RBFOX1: variants seen among roughly 807,000 people sequenced by gnomAD.
RBFOX1 encodes the protein RNA binding fox-1 homolog 1, also known as RNA binding protein fox-1 homolog 1.
In RBFOX1, 8 loss-of-function variants were observed where a neutral mutation model predicts 57.7. The observed-to-expected ratio is 0.14, with a 90% CI of 0.08 to 0.25. The LOEUF (loss-of-function observed/expected upper bound fraction) is 0.25. Among genes scored for constraint, RBFOX1 ranks in the 10% least tolerant of loss-of-function variants. The pLI, the probability that RBFOX1 is intolerant of heterozygous loss-of-function variation, is 1.00. For missense variants in RBFOX1, 611 were observed against 548.5 expected (o/e 1.11, Z -1.14); for synonymous variants, 326 against 222.4 (o/e 1.47, Z -4.15).
chr16:5,612,907 C>T (rs945847727), intron 3 of RBFOX1, among the ~76,000 whole-genome samples: 3 of 152,210 alleles, frequency 2.0e-5, no homozygotes, highest in Non-Finnish European at 4.4e-5. Flanking sequence ...TTGACCTAGG[C>T]TCATGTCCCA....
chr16:7,251,917 T>C (rs1028563893), intron 4 of RBFOX1, among the ~76,000 whole-genome samples: 1 of 152,184 alleles, frequency 6.6e-6, no homozygotes, highest in African/African-American at 2.4e-5. Context: ...CCATACCATT[T>C]TTTTCATAAT....
intron 3 of RBFOX1, among the ~76,000 whole-genome samples, chr16:6,876,506 C>T (rs1282171949): frequency 6.6e-6 from 1 of 152,150 alleles, no homozygotes; most frequent in Non-Finnish European, 1.5e-5. Context: ...TAGCGCTGTA[C>T]CTAGCACACA....
chr16:6,068,302 G>A (rs990241142), intron 1 of RBFOX1, among the ~76,000 whole-genome samples: 2 of 152,098 alleles, frequency 1.3e-5, no homozygotes, highest in Non-Finnish European at 2.9e-5. Flanking sequence ...AGGCCAGGTC[G>A]CACTAACACA....
At chr16:7,353,787 T>C (rs939852377) in intron 4 of RBFOX1, among the ~76,000 whole-genome samples, 1 of 152,154 alleles carries the variant, frequency 6.6e-6, no homozygotes, top group African/African-American at 2.4e-5. Context: ...AGATTAATGA[T>C]TGCTAAGGGC....
At chr16:6,489,573 A>G (rs1453372400) in intron 2 of RBFOX1, among the ~76,000 whole-genome samples, 1 of 152,126 alleles carries the variant, frequency 6.6e-6, no homozygotes, top group African/African-American at 2.4e-5. Context: ...TACTTTAGTA[A>G]TTTGAGCTTC....
chr16:7,361,911 A>G (rs978341266), intron 4 of RBFOX1, among the ~76,000 whole-genome samples: 3 of 137,222 alleles, frequency 2.2e-5, no homozygotes, highest in South Asian at 4.6e-4. Context: ...TTTTTGTGTT[A>G]GTTTGCATAT....
chr16:6,125,051 G>A (rs1315986606), intron 1 of RBFOX1, among the ~76,000 whole-genome samples: 1 of 152,004 alleles, frequency 6.6e-6, no homozygotes, highest in African/African-American at 2.4e-5. Flanking sequence ...ACATCACCTA[G>A]ACAAGTGATC....
At chr16:6,959,361 C>T (rs1470190593) in intron 3 of RBFOX1, among the ~76,000 whole-genome samples, 2 of 152,162 alleles carry the variant, frequency 1.3e-5, no homozygotes, top group South Asian at 2.1e-4. Context: ...ATAACCGTCA[C>T]ATTTGAATGG....
At chr16:5,961,979 C>T (rs546306882) in intron 4 of RBFOX1, among the ~76,000 whole-genome samples, 52 of 152,236 alleles carry the variant, frequency 3.4e-4, no homozygotes, top group Admixed American at 1.0e-3. Context: ...TGTGGTAGCT[C>T]GATGAAGGTA....
chr16:6,497,564 A>ATTTT (rs879515642), intron 2 of RBFOX1, among the ~76,000 whole-genome samples: 129 of 75,322 alleles, frequency 1.7e-3, no homozygotes, highest in African/African-American at 3.5e-3. Flanking sequence ...AAGTTTTTAA[A>ATTTT]AAAAAAAAAA....
At chr16:7,109,659 A>G (rs1468869617) in intron 4 of RBFOX1, among the ~76,000 whole-genome samples, 2 of 152,176 alleles carry the variant, frequency 1.3e-5, no homozygotes, top group African/African-American at 2.4e-5. Context: ...ATAGGCGCAG[A>G]TAGTCCTCCT....
At chr16:5,852,476 C>G (rs886362330) in intron 3 of RBFOX1, among the ~76,000 whole-genome samples, 1 of 152,182 alleles carries the variant, frequency 6.6e-6, no homozygotes, top group Non-Finnish European at 1.5e-5. Context: ...ATGCAAAGTG[C>G]ACTTTTATAC....
intron 4 of RBFOX1, among the ~76,000 whole-genome samples, chr16:7,351,070 G>A (rs1426328632): frequency 6.6e-6 from 1 of 152,174 alleles, no homozygotes; most frequent in East Asian, 1.9e-4. Flanking sequence ...CTTCGGGATG[G>A]CTGGTTTTCC....
At chr16:6,629,053 C>T (rs2098348776) in intron 2 of RBFOX1, among the ~76,000 whole-genome samples, 2 of 152,166 alleles carry the variant, frequency 1.3e-5, no homozygotes, top group African/African-American at 4.8e-5. Context: ...AATCAGCATA[C>T]ATACTAAACC....
intron 4 of RBFOX1, among the ~76,000 whole-genome samples, chr16:7,424,661 T>A (rs565971145): frequency 6.6e-6 from 1 of 152,330 alleles, no homozygotes; most frequent in South Asian, 2.1e-4. Flanking sequence ...TTTTGTTTCT[T>A]ATGTAGTGCC....
At chr16:6,851,521 T>C (rs570991199) in intron 3 of RBFOX1, among the ~76,000 whole-genome samples, 1 of 152,334 alleles carries the variant, frequency 6.6e-6, no homozygotes, top group Admixed American at 6.5e-5. Flanking sequence ...ATTCACAACA[T>C]ATTTTACATA....
chr16:7,259,485 T>C (rs145310034), intron 4 of RBFOX1, among the ~76,000 whole-genome samples: 1 of 151,778 alleles, frequency 6.6e-6, no homozygotes, highest in East Asian at 1.9e-4. Context: ...CATTTAATGG[T>C]GATACAAATA....
chr16:6,077,491 A>G (rs1295471965), intron 1 of RBFOX1, among the ~76,000 whole-genome samples: 1 of 152,126 alleles, frequency 6.6e-6, no homozygotes, highest in Non-Finnish European at 1.5e-5. Context: ...ACCCATGACC[A>G]CCACCATCCC....
chr16:7,514,678 C>G lies in RBFOX1; in HGVS notation c.28-3469C>G, dbSNP rs74010542. ...AAGGGGGTAGGTGAGGCTTTCCAAG[C>G]TGAGGGGCAGTAAATGTGAAGACTT... is the stretch of plus-strand genomic sequence containing the variant. On this transcript the variant is annotated intron_variant, in intron 4 of 15. Transcript: ENST00000550418. 6.8e-3 allele frequency among the ~76,000 whole-genome samples: 1,037 copies of G among 152,158 alleles called. 17 individuals are homozygous for G. The highest frequency in any genetic ancestry group is 0.023 in the African/African-American group (967 of 41,530).
Sources: gnomAD v4.1 joint callset for allele counts (sites outside exome capture counted in the v4.1 genomes callset) on GRCh38, gnomAD v4.1.1 for gene constraint, MANE v1.5 for transcripts, NCBI Gene and HGNC (gene_info 2026-07-23, HGNC 2026-07-21) for gene names.